The following CA1 variants were observed in gnomAD, a reference collection of about 807,000 sequenced individuals.
The protein encoded by CA1 is carbonic anhydrase 1.
In CA1, 27 loss-of-function variants were observed where a neutral mutation model predicts 28.8. The observed-to-expected ratio is 0.94, with a 90% CI of 0.69 to 1.29. The LOEUF (loss-of-function observed/expected upper bound fraction) is 1.29. Ranked by LOEUF, CA1 falls within the 50% of genes most tolerant of loss-of-function variation. The probability of loss-of-function intolerance (pLI) is 0.00; values close to 1 mark genes in which losing one functional copy is unlikely to be tolerated. For synonymous variants in CA1, 121 were observed against 108.8 expected (o/e 1.11, Z -0.70); for missense variants, 335 against 310.5 (o/e 1.08, Z -0.59).
chr8:85,338,661 TTTCTTTCTTTCTTTCTTTCTTTCC>T, intron 2 of CA1, among the ~76,000 whole-genome samples: 1 of 36,438 alleles, frequency 2.7e-5, no homozygotes. Context: ...TCTTTCTTTC[TTTCTTTCTTTCTTTCTTTCTTTCC>T]TTCTTTCTCT....
chr8:85,341,649 GT>G lies in CA1; in HGVS notation c.-15del. ...TGGACTTGCCATTATCTTCTACTGAGTTTTCTTTTTCTGAAAACAAAAATAA... is the reference window on the plus strand; with the variant it reads ...TGGACTTGCCATTATCTTCTACTGAGTTTCTTTTTCTGAAAACAAAAATAA... On this transcript the variant is annotated 5_prime_UTR_variant, in exon 2 of 8. Coordinates refer to ENST00000523022, the MANE Select transcript of CA1 (RefSeq NM_001128831.4). 6.3e-7 allele frequency: 1 copy of G among 1,584,884 alleles called. No individual in the cohort carries two copies. The highest frequency in any genetic ancestry group is 8.7e-7 in the Non-Finnish European group (1 of 1,153,864).
At chr8:85,334,438 C>A (rs1808551948) in intron 4 of CA1, among the ~76,000 whole-genome samples, 1 of 152,162 alleles carries the variant, frequency 6.6e-6, no homozygotes, top group African/African-American at 2.4e-5. Flanking sequence ...CTTCAAATGG[C>A]AGACTTTTGT....
Position 85,333,541 on chromosome 8 carries a change from A to G in CA1, c.434T>C (p.Ile145Thr), listed in dbSNP as rs749624976. The change falls in exon 5 of 8, where the codon ATT (isoleucine) becomes ACT (threonine). Residue 145 changes from isoleucine to threonine, a missense_variant. Physicochemically the swap from Ile to Thr is moderately conservative, Grantham distance 89. Transcript: ENST00000523022. The part of the protein sequence containing the change: ...AASKADGLAV[I>T]GVLMKVGEAN... ...GTAACTCACCTTCATCAAAACACCA[A>G]TAACTGCCAAACCATCAGCCTTTGA... 2 of 1,611,144 alleles carry G rather than the reference A, an allele frequency of 1.2e-6. No homozygotes were observed. The highest frequency in any genetic ancestry group is 1.7e-5 in the Admixed American group (1 of 59,990).
At chr8:85,340,993 A>C (rs1808896084) in intron 2 of CA1, 1 of 152,480 alleles carries the variant, frequency 6.6e-6, no homozygotes, top group South Asian at 2.1e-4. Context: ...AAATACAAAA[A>C]AATTAGCTAG....
chr8:85,339,858 C>A (rs779922395), intron 2 of CA1, among the ~76,000 whole-genome samples: 8 of 152,190 alleles, frequency 5.3e-5, no homozygotes, highest in Admixed American at 1.3e-4. Context: ...CTAATGAGAG[C>A]AAGGCTATAG....
intron 1 of CA1, chr8:85,351,713 A>G (rs868033608): frequency 6.6e-6 from 1 of 152,218 alleles, no homozygotes. Flanking sequence ...AGCAGCTTTC[A>G]GTCTCCTTCC....
chr8:85,337,283 AC>A, intron 3 of CA1: 2 of 539,252 alleles, frequency 3.7e-6, no homozygotes. Flanking sequence ...TGAATTATAC[AC>A]ATTTCCCAGC....
intron 4 of CA1, among the ~76,000 whole-genome samples, chr8:85,336,315 A>G (rs1483824512): frequency 6.6e-6 from 1 of 152,216 alleles, no homozygotes; most frequent in African/African-American, 2.4e-5. Flanking sequence ...TACACCTAAA[A>G]TAAAGAGCAA....
chr8:85,364,618 A>T (rs1564046492), intron 1 of CA1, among the ~76,000 whole-genome samples: 1 of 152,222 alleles, frequency 6.6e-6, no homozygotes, highest in Non-Finnish European at 1.5e-5. Context: ...ACCATCTGGA[A>T]CTAAAGTAAC....
intron 1 of CA1, among the ~76,000 whole-genome samples, chr8:85,348,035 A>G (rs1026470771): frequency 2.0e-5 from 3 of 152,328 alleles, no homozygotes; most frequent in East Asian, 3.9e-4. Flanking sequence ...CAGGTAATAT[A>G]TTAAAAACAT....
intron 1 of CA1, among the ~76,000 whole-genome samples, chr8:85,346,317 C>T (rs1176866533): frequency 6.6e-6 from 1 of 151,988 alleles, no homozygotes; most frequent in Non-Finnish European, 1.5e-5. Context: ...AGTACTATCC[C>T]CGTATTTATT....
rs1808758316 is a variant in CA1 at position 85,338,454 on chromosome 8, C to A, written c.38-5G>T. 1.2e-6 allele frequency: 2 copies of A among 1,612,068 alleles called. No homozygotes were observed. Among genetic ancestry groups the A allele is most frequent in the African/African-American group, 2.7e-5 (2 of 74,834 alleles). On this transcript the variant is annotated splice_region_variant and splice_polypyrimidine_tract_variant and intron_variant, in intron 2 of 7. Transcript: ENST00000523022. Reference sequence around the variant, plus strand: ...GCTTGCTCCATTGTTCAGGACCTACCAGGACAAACACGTGTAAAATCAATG... The same window carrying A: ...GCTTGCTCCATTGTTCAGGACCTACAAGGACAAACACGTGTAAAATCAATG...
intron 1 of CA1, among the ~76,000 whole-genome samples, chr8:85,352,396 A>C (rs144136481): frequency 6.6e-6 from 1 of 152,302 alleles, no homozygotes; most frequent in Admixed American, 6.5e-5. Context: ...TAACATCCTG[A>C]ATAGACATGT....
chr8:85,332,245 G>C (rs1808436661), intron 6 of CA1: 1 of 399,218 alleles, frequency 2.5e-6, no homozygotes, highest in Non-Finnish European at 4.5e-6. Context: ...TATGTAATCT[G>C]GTTTTCTACA....
intron 3 of CA1, 78 bp downstream of exon 3, chr8:85,338,174 C>A: frequency 1.7e-6 from 2 of 1,170,738 alleles, no homozygotes; most frequent in South Asian, 2.4e-5. Flanking sequence ...GAATGGGTGT[C>A]ATATTTCTCG....
chr8:85,355,147 C>T (rs577954387), intron 1 of CA1, among the ~76,000 whole-genome samples: 1 of 152,094 alleles, frequency 6.6e-6, no homozygotes, highest in African/African-American at 2.4e-5. Context: ...TAGTTGAGTT[C>T]AGGGTCAAGT....
At chr8:85,365,333 C>T (rs944995980) in intron 1 of CA1, among the ~76,000 whole-genome samples, 7 of 152,150 alleles carry the variant, frequency 4.6e-5, no homozygotes, top group Admixed American at 1.3e-4. Context: ...TAGGTAGCTC[C>T]GTCTCTACCA....
chr8:85,351,688 A>G (rs1349804170), intron 1 of CA1: 3 of 152,178 alleles, frequency 2.0e-5, no homozygotes, highest in Non-Finnish European at 2.9e-5. Context: ...AAAGCAACTG[A>G]TTTACTGATT....
chr8:85,354,957 T>A (rs146328775), intron 1 of CA1, among the ~76,000 whole-genome samples: 4 of 152,322 alleles, frequency 2.6e-5, no homozygotes, highest in Admixed American at 6.5e-5. Flanking sequence ...AGCCCCAGTC[T>A]TCCAATCTAG....
Sources: gnomAD v4.1 joint callset for allele counts (sites outside exome capture counted in the v4.1 genomes callset) on GRCh38, gnomAD v4.1.1 for gene constraint, MANE v1.5 for transcripts, NCBI Gene and HGNC (gene_info 2026-07-23, HGNC 2026-07-21) for gene names.